The following COPZ2 variants were observed in gnomAD, a reference collection of about 807,000 sequenced individuals.
COPZ2 encodes coatomer subunit zeta-2.
In COPZ2, 30 loss-of-function variants were observed where a neutral mutation model predicts 33.2. That is an observed-to-expected ratio of 0.90 (90% confidence interval 0.68 to 1.23). The LOEUF (loss-of-function observed/expected upper bound fraction) is 1.23. Ranked by LOEUF, COPZ2 falls within the 50% of genes most tolerant of loss-of-function variation. COPZ2 has a pLI of 0.00. For missense variants in COPZ2, 263 were observed against 262.4 expected (o/e 1.00, Z -0.02); for synonymous variants, 89 against 102.6 (o/e 0.87, Z 0.80).
the COPZ2 span, among the ~76,000 whole-genome samples, chr17:48,043,839 T>C: frequency 6.6e-6 from 1 of 152,176 alleles, no homozygotes; most frequent in African/African-American, 2.4e-5. Flanking sequence ...CATCCACTCC[T>C]CCTACCTCTT....
chr17:48,047,717 T>C, the COPZ2 span: 1 of 152,178 alleles, frequency 6.6e-6, no homozygotes. Flanking sequence ...AAGGTACCCT[T>C]GCCTGGGCCA....
chr17:48,034,391 C>T (rs1270109842), intron 2 of COPZ2, among the ~76,000 whole-genome samples: 1 of 152,160 alleles, frequency 6.6e-6, no homozygotes, highest in Non-Finnish European at 1.5e-5. Context: ...CAGGCATGAG[C>T]CACTGTGCTT....
chr17:48,036,695 G>A (rs190658448), intron 2 of COPZ2, among the ~76,000 whole-genome samples, 156 bp downstream of exon 2: 113 of 152,288 alleles, frequency 7.4e-4, no homozygotes, highest in Middle Eastern at 3.4e-3. Context: ...TCATTTCAGG[G>A]AGCAGCACCT....
chr17:48,047,984 A>G, the COPZ2 span: 2 of 152,378 alleles, frequency 1.3e-5, no homozygotes, highest in African/African-American at 4.8e-5. Flanking sequence ...CTAGGCCTTC[A>G]TTCCCCCGCC....
rs2037009304 is a variant in COPZ2, at chr17:48,037,606, C to A, written c.111+61G>T. 1 of 1,055,930 alleles carries A rather than the reference C, an allele frequency of 9.5e-7. No homozygotes were observed. Among genetic ancestry groups the A allele is most frequent in the East Asian group, 7.7e-5 (1 of 13,062 alleles). The allele number at this position is 1,055,930 out of a possible 1,614,324, so 65.4% of individuals were successfully genotyped here. On this transcript the variant is annotated intron_variant, in intron 1 of 8. Transcript: ENST00000621465. The surrounding 1 kb of genome is among the most constrained non-coding windows in gnomAD (Gnocchi z 5.6). ...GTTCTGAGTTGGCTGCTCCCCCTAA[C>A]CCTGCTCTGTCCCTGCCCAGCTCCC...
chr17:48,028,855 G>A lies in COPZ2; in HGVS notation c.546+270C>T, dbSNP rs959900986. Among the ~76,000 whole-genome samples the A allele has an allele frequency of 2.6e-5, 4 of 152,166 alleles. No individual in the cohort carries two copies. The highest frequency in any genetic ancestry group is 4.4e-5 in the Non-Finnish European group (3 of 68,032). ...GGCAGCCACCTAGTGCCTCTTTGAA[G>A]ATGTATTTATTTCCCCAGTCTATAC... On this transcript the variant is annotated intron_variant, in intron 7 of 8. Coordinates refer to ENST00000621465, the MANE Select transcript of COPZ2 (RefSeq NM_016429.4). This position sits in a 1 kb window ranked among gnomAD's most constrained non-coding sequence, Gnocchi z 4.5.
intron 3 of COPZ2, 73 bp downstream of exon 3, chr17:48,033,790 G>T: frequency 8.3e-7 from 1 of 1,199,912 alleles, no homozygotes; most frequent in Non-Finnish European, 1.2e-6. Context: ...GGCTGATGGG[G>T]ACAGATGTGT....
At chr17:48,044,234 C>T in the COPZ2 span, among the ~76,000 whole-genome samples, 3 of 152,060 alleles carry the variant, frequency 2.0e-5, no homozygotes, top group East Asian at 5.8e-4. Flanking sequence ...TTAATACCAG[C>T]CACTCAGGAG....
chr17:48,036,852 T>C lies in COPZ2; in HGVS notation c.185A>G (p.Lys62Arg), dbSNP rs2036990559. The C allele has an allele frequency of 2.5e-6, 4 of 1,613,652 alleles. No homozygotes were observed. Among genetic ancestry groups the C allele is most frequent in the Non-Finnish European group, 3.4e-6 (4 of 1,179,790 alleles). The change falls in exon 2 of 9, where the codon AAG becomes AGG. Residue 62 changes from lysine to arginine, a missense_variant and splice_region_variant. By Grantham distance (26) the Lys-to-Arg change is conservative. Coordinates refer to ENST00000621465, the MANE Select transcript of COPZ2 (RefSeq NM_016429.4). ...CTCATGGGTGGGGTCAGAGGTTACC[T>C]TGGCCAGCAGCCGGCGCCCGTCATT... ...LDNDGRRLLA[K>R]YYDDTFPSMK...
chr17:48,043,395 T>C, the COPZ2 span: 16 of 401,612 alleles, frequency 4.0e-5, no homozygotes, highest in Middle Eastern at 1.3e-3. Flanking sequence ...GATTTCAGCA[T>C]CTGTTCTTAT....
At chr17:48,043,291 T>A in the COPZ2 span, among the ~76,000 whole-genome samples, 1 of 152,204 alleles carries the variant, frequency 6.6e-6, no homozygotes, top group Non-Finnish European at 1.5e-5. Context: ...CAAAGCAGGT[T>A]CTCCTCTGGG....
chr17:48,038,452 T>C (rs2037026244), upstream of COPZ2, among the ~76,000 whole-genome samples: 1 of 152,056 alleles, frequency 6.6e-6, no homozygotes, highest in Non-Finnish European at 1.5e-5. Context: ...TAAGTCTAAC[T>C]AAGACAAGCT....
chr17:48,032,979 T>A, intron 4 of COPZ2: 1 of 594,448 alleles, frequency 1.7e-6, no homozygotes, highest in Non-Finnish European at 3.0e-6. Context: ...GGACAAAGCC[T>A]CCCTTGAAGA....
Position 48,028,459 on chromosome 17 carries a change from C to G in COPZ2, c.585+13G>C. The G allele has an allele frequency of 1.2e-6, 2 of 1,607,856 alleles. No individual in the cohort carries two copies. Among genetic ancestry groups the G allele is most frequent in the South Asian group, 2.2e-5 (2 of 89,658 alleles). On this transcript the variant is annotated intron_variant, in intron 8 of 8. Transcript: ENST00000621465. This position sits in a 1 kb window ranked among gnomAD's most constrained non-coding sequence, Gnocchi z 4.5. ...AGACCATTTCTAGCCAAGGCAGATG[C>G]AGGGGGGCCTACCTGGGCCACACTC...
At chr17:48,029,098 A>T in intron 7 of COPZ2, 27 bp downstream of exon 7, 3 of 1,564,344 alleles carry the variant, frequency 1.9e-6, no homozygotes, top group Non-Finnish European at 1.7e-6. Flanking sequence ...GCAGCCTAAA[A>T]GAGGAGGTGT....
intron 8 of COPZ2, 38 bp from the exon 9 acceptor site, chr17:48,026,513 A>C: frequency 6.8e-7 from 1 of 1,466,324 alleles, no homozygotes; most frequent in Non-Finnish European, 9.6e-7. Flanking sequence ...AGAATTGAGA[A>C]TGTCAAATGC....
At position 48,026,240 on chromosome 17, in the gene COPZ2, C is replaced by A; in HGVS notation, c.*188G>T. 3 of 591,990 alleles carry A rather than the reference C, an allele frequency of 5.1e-6. No homozygotes were observed. Among genetic ancestry groups the A allele is most frequent in the African/African-American group, 1.9e-5 (1 of 53,846 alleles). 36.7% of individuals were successfully genotyped at this position (591,990 alleles called of 1,614,324 possible). A position where few individuals can be genotyped will look rare whatever the true frequency, so the allele number is the denominator to read the frequency against. ...CCTAAGATATGAGTTAAGGCCAGGG[C>A]CGTGAGAAAAGGTGACTCTCCTGAG... is the stretch of plus-strand genomic sequence containing the variant. On this transcript the variant is annotated 3_prime_UTR_variant, in exon 9 of 9. Coordinates refer to ENST00000621465, the MANE Select transcript of COPZ2 (RefSeq NM_016429.4).
At chr17:48,044,374 C>CTG in the COPZ2 span, among the ~76,000 whole-genome samples, 1 of 138,924 alleles carries the variant, frequency 7.2e-6, no homozygotes, top group African/African-American at 2.6e-5. Context: ...TCATTCTAGT[C>CTG]TGTGTTCCCG....
chr17:48,028,331 C>G lies in COPZ2; in HGVS notation c.585+141G>C. On this transcript the variant is annotated intron_variant, in intron 8 of 8. Coordinates refer to ENST00000621465, the MANE Select transcript of COPZ2 (RefSeq NM_016429.4). This position sits in a 1 kb window ranked among gnomAD's most constrained non-coding sequence, Gnocchi z 4.5. ...TGAGTCTTTCCAAGATATGACCTGT[C>G]ACTGCCTCATCCCTTCCCTTCTCAC... 1 of 816,828 alleles carries G rather than the reference C, an allele frequency of 1.2e-6. No individual in the cohort carries two copies. The highest frequency in any genetic ancestry group is 1.9e-6 in the Non-Finnish European group (1 of 533,572). 50.6% of individuals were successfully genotyped at this position (816,828 alleles called of 1,614,324 possible).
Sources: gnomAD v4.1 joint callset for allele counts (sites outside exome capture counted in the v4.1 genomes callset) on GRCh38, gnomAD v4.1.1 for gene constraint, Gnocchi (gnomAD v3.1) non-coding constraint, MANE v1.5 for transcripts, NCBI Gene and HGNC (gene_info 2026-07-23, HGNC 2026-07-21) for gene names.